Variants in BABAM2 observed in about 807,000 individuals in gnomAD.
BABAM2 encodes BRISC and BRCA1-A complex member 2.
Under a neutral mutation model 54.7 loss-of-function variants are expected in BABAM2, and 31 were observed. That is an observed-to-expected ratio of 0.57 (90% CI 0.43 to 0.77). The LOEUF (loss-of-function observed/expected upper bound fraction) is 0.77, where lower values mean the gene tolerates loss of function less well. Among genes scored for constraint, BABAM2 ranks in the 30% least tolerant of loss-of-function variants. The pLI is 0.00. For synonymous variants in BABAM2, 167 were observed against 162.9 expected (o/e 1.03, Z -0.19); for missense variants, 364 against 455.8 (o/e 0.80, Z 1.83).
chr2:27,915,756 T>C (rs1666922426), intron 2 of BABAM2, among the ~76,000 whole-genome samples: 1 of 152,156 alleles, frequency 6.6e-6, no homozygotes, highest in Admixed American at 6.5e-5. Flanking sequence ...ATCTATTAAT[T>C]CTTCCTTTTC....
intron 7 of BABAM2, among the ~76,000 whole-genome samples, chr2:28,220,272 C>G (rs1214484914): frequency 6.6e-6 from 1 of 152,148 alleles, no homozygotes; most frequent in Non-Finnish European, 1.5e-5. Flanking sequence ...GTTACTTAAC[C>G]TCCCAAGCCT....
At chr2:28,200,703 T>A (rs1215878338) in intron 7 of BABAM2, among the ~76,000 whole-genome samples, 1 of 152,248 alleles carries the variant, frequency 6.6e-6, no homozygotes, top group African/African-American at 2.4e-5. Flanking sequence ...AATGTTTGTC[T>A]TTTCTTATTA....
At chr2:28,229,953 T>A (rs538059293) in intron 7 of BABAM2, among the ~76,000 whole-genome samples, 5 of 152,230 alleles carry the variant, frequency 3.3e-5, no homozygotes, top group African/African-American at 4.8e-5. Context: ...CCATTTCAAC[T>A]TTTTTAGACT....
At chr2:28,302,176 G>A (rs1018202319) in intron 11 of BABAM2, among the ~76,000 whole-genome samples, 1 of 152,148 alleles carries the variant, frequency 6.6e-6, no homozygotes, top group African/African-American at 2.4e-5. Context: ...CAGCATTTTG[G>A]GGGACTGAAG....
At chr2:28,247,740 A>G (rs1683028893) in intron 10 of BABAM2, among the ~76,000 whole-genome samples, 1 of 152,140 alleles carries the variant, frequency 6.6e-6, no homozygotes, top group Non-Finnish European at 1.5e-5. Flanking sequence ...ATTGCTATTG[A>G]TAGGATAGCT....
At chr2:27,924,418 TC>T (rs1218103867) in intron 2 of BABAM2, among the ~76,000 whole-genome samples, 5 of 151,778 alleles carry the variant, frequency 3.3e-5, no homozygotes, top group African/African-American at 1.2e-4. Context: ...AGAGTCTCGC[TC>T]TGTTGCCCAG....
chr2:28,000,672 G>A (rs1325263888), intron 4 of BABAM2, among the ~76,000 whole-genome samples: 2 of 152,034 alleles, frequency 1.3e-5, no homozygotes, highest in Non-Finnish European at 2.9e-5. Context: ...TCTACTGCCT[G>A]GAAGATTTGT....
At chr2:28,026,563 C>G (rs922351999) in intron 5 of BABAM2, among the ~76,000 whole-genome samples, 5 of 150,400 alleles carry the variant, frequency 3.3e-5, no homozygotes, top group South Asian at 4.2e-4. Flanking sequence ...AGGGGAACAT[C>G]ACACACCGGT....
At chr2:28,243,131 A>G (rs1480979436) in intron 9 of BABAM2, among the ~76,000 whole-genome samples, 1 of 152,178 alleles carries the variant, frequency 6.6e-6, no homozygotes, top group African/African-American at 2.4e-5. Context: ...TTTATTATGC[A>G]TGTAGTACAG....
chr2:28,099,288 A>G (rs1449838192), intron 6 of BABAM2, among the ~76,000 whole-genome samples: 2 of 152,178 alleles, frequency 1.3e-5, no homozygotes, highest in African/African-American at 2.4e-5. Flanking sequence ...GTATGCAGAC[A>G]GAATTGAGTT....
At chr2:28,218,420 T>A (rs1406554785) in intron 7 of BABAM2, among the ~76,000 whole-genome samples, 2 of 152,246 alleles carry the variant, frequency 1.3e-5, no homozygotes, top group Non-Finnish European at 2.9e-5. Context: ...CTTTATTTTT[T>A]AAATCCGGAA....
chr2:28,309,443 C>T (rs1183441380), intron 11 of BABAM2: 1 of 152,126 alleles, frequency 6.6e-6, no homozygotes, highest in African/African-American at 2.4e-5. Context: ...GGGGATTACA[C>T]AGAAGGTGGA....
chr2:28,024,444 A>G (rs1386696635), intron 4 of BABAM2, among the ~76,000 whole-genome samples: 1 of 152,182 alleles, frequency 6.6e-6, no homozygotes, highest in African/African-American at 2.4e-5. Context: ...AACAAAAACT[A>G]TGAATTTTAT....
chr2:28,058,957 C>T (rs1270314496), intron 6 of BABAM2, among the ~76,000 whole-genome samples: 17 of 152,228 alleles, frequency 1.1e-4, no homozygotes, highest in Non-Finnish European at 2.4e-4. Flanking sequence ...TATTCGAGCC[C>T]GCCCTGTGCC....
At chr2:28,030,997 A>G (rs1422099883) in intron 5 of BABAM2, among the ~76,000 whole-genome samples, 1 of 152,184 alleles carries the variant, frequency 6.6e-6, no homozygotes, top group African/African-American at 2.4e-5. Flanking sequence ...CATCCTGGAG[A>G]TTTTTAAAGA....
intron 7 of BABAM2, among the ~76,000 whole-genome samples, chr2:28,188,585 C>T (rs570170425): frequency 1.3e-5 from 2 of 152,250 alleles, no homozygotes; most frequent in South Asian, 4.2e-4. Flanking sequence ...GTCAAAATTG[C>T]ACATGCCAGA....
At chr2:28,302,374 ACCACTGCACT>A (rs1688176736) in intron 11 of BABAM2, among the ~76,000 whole-genome samples, 1 of 151,302 alleles carries the variant, frequency 6.6e-6, no homozygotes. Context: ...CCAAGATCAC[ACCACTGCACT>A]CCAGCCTGGG....
chr2:28,116,371 G>A (rs1394591879), intron 6 of BABAM2, among the ~76,000 whole-genome samples: 1 of 152,178 alleles, frequency 6.6e-6, no homozygotes, highest in Non-Finnish European at 1.5e-5. Flanking sequence ...ATCACGTCAA[G>A]GGGAGACTCT....
chr2:27,933,068 G>A (rs1668215752), intron 3 of BABAM2, among the ~76,000 whole-genome samples: 1 of 152,292 alleles, frequency 6.6e-6, no homozygotes, highest in East Asian at 1.9e-4. Context: ...CAAAAATAAT[G>A]TGACTTCACA....
Sources: gnomAD v4.1 joint callset for allele counts (sites outside exome capture counted in the v4.1 genomes callset) on GRCh38, gnomAD v4.1.1 for gene constraint, MANE v1.5 for transcripts, NCBI Gene and HGNC (gene_info 2026-07-23, HGNC 2026-07-21) for gene names.